The following PLCB4 variants were observed in gnomAD, a reference collection of about 807,000 sequenced individuals.
The protein encoded by PLCB4 is 1-phosphatidylinositol 4,5-bisphosphate phosphodiesterase beta-4.
Under a neutral mutation model 178.8 loss-of-function variants are expected in PLCB4, and 77 were observed. That is an observed-to-expected ratio of 0.43 (90% CI 0.36 to 0.52). PLCB4 has a LOEUF of 0.52. Ranked by LOEUF, PLCB4 falls within the 20% of genes least tolerant of loss-of-function variation. The pLI, the probability that PLCB4 is intolerant of heterozygous loss-of-function variation, is 0.00. For synonymous variants in PLCB4, 496 were observed against 490.8 expected (o/e 1.01, Z -0.14); for missense variants, 1,024 against 1,453.4 (o/e 0.70, Z 4.80).
At chr20:9,390,736 G>A (rs746026265) in intron 17 of PLCB4, 121 bp downstream of exon 17, 48 of 546,360 alleles carry the variant, frequency 8.8e-5, no homozygotes, top group Non-Finnish European at 1.3e-4. Flanking sequence ...AAATTCTTTG[G>A]TACGGAAAGC....
rs567244011 is a variant in PLCB4 at position 9,372,461 on chromosome 20, T to C, written c.686+58T>C. ...ATATTATCACTGTCCTTTTCGATTT[T>C]TTAAAACGTTTTTGTCCTATTTTAA... On this transcript the variant is annotated intron_variant, in intron 11 of 39. Coordinates refer to ENST00000378473, the MANE Select transcript of PLCB4 (RefSeq NM_001377142.1). 3.0e-4 allele frequency: 251 copies of C among 829,242 alleles called. 1 individual carries two copies. In the South Asian group the frequency reaches 3.8e-3, roughly 13 times the overall value. The allele number at this position is 829,242 out of a possible 1,614,324, so 51.4% of individuals were successfully genotyped here.
At chr20:9,320,150 T>G (rs1287653860) in intron 4 of PLCB4, among the ~76,000 whole-genome samples, 1 of 152,162 alleles carries the variant, frequency 6.6e-6, no homozygotes, top group Non-Finnish European at 1.5e-5. Context: ...GGTTAGCTAT[T>G]TTTATGGTTA....
rs566987380 is a variant in PLCB4, at chr20:9,172,233, C to T, written c.-78-45157C>T. On this transcript the variant is annotated intron_variant, in intron 2 of 39. Transcript: ENST00000378473. ...AAGAATTCATCATATAACAAAGGACCACCATTTAATGCCAGTTTTAGTATG... is the reference window on the plus strand; with the variant it reads ...AAGAATTCATCATATAACAAAGGACTACCATTTAATGCCAGTTTTAGTATG... 1.4e-4 allele frequency among the ~76,000 whole-genome samples: 21 copies of T among 152,214 alleles called. No individual in the cohort carries two copies. In the South Asian group the frequency reaches 4.3e-3, roughly 32 times the overall value.
chr20:9,475,874 C>G (rs529943225), intron 38 of PLCB4, among the ~76,000 whole-genome samples: 90 of 152,280 alleles, frequency 5.9e-4, no homozygotes, highest in South Asian at 1.9e-3. Flanking sequence ...GCCTTCATAA[C>G]CAGGTAAACA....
intron 4 of PLCB4, among the ~76,000 whole-genome samples, chr20:9,326,553 C>A (rs1032655424): frequency 2.6e-5 from 4 of 152,158 alleles, no homozygotes; most frequent in African/African-American, 9.7e-5. Context: ...TAACTCACTT[C>A]ATTGCCCTCT....
At chr20:9,149,779 C>T (rs73895594) in intron 2 of PLCB4, among the ~76,000 whole-genome samples, 17,497 of 152,120 alleles carry the variant, frequency 0.12, 1,647 homozygotes, top group African/African-American at 0.25. Context: ...TATGAGTTTC[C>T]TGGGAAACAA....
intron 2 of PLCB4, among the ~76,000 whole-genome samples, chr20:9,150,108 A>C (rs2092667025): frequency 6.6e-6 from 1 of 152,208 alleles, no homozygotes; most frequent in Admixed American, 6.5e-5. Context: ...GTCCTGAAGC[A>C]GTGTCTGGGC....
intron 3 of PLCB4, among the ~76,000 whole-genome samples, chr20:9,242,307 A>G (rs1232226586): frequency 6.6e-6 from 1 of 152,210 alleles, no homozygotes; most frequent in Non-Finnish European, 1.5e-5. Context: ...AAGTTCAGAG[A>G]ATAAAACAGA....
At chr20:9,364,836 A>G (rs1359797911) in intron 8 of PLCB4, among the ~76,000 whole-genome samples, 1 of 152,216 alleles carries the variant, frequency 6.6e-6, no homozygotes, top group East Asian at 1.9e-4. Flanking sequence ...TGAGTCTCCT[A>G]AAAGCCTGGG....
chr20:9,431,648 GTT>G (rs1491288741), intron 28 of PLCB4, among the ~76,000 whole-genome samples: 4 of 122,582 alleles, frequency 3.3e-5, no homozygotes, highest in Admixed American at 8.9e-5. Flanking sequence ...GTGTGTGTGT[GTT>G]TGTGTGTGTG....
At chr20:9,297,157 A>ACC (rs140669435) in intron 3 of PLCB4, among the ~76,000 whole-genome samples, 241 of 149,696 alleles carry the variant, frequency 1.6e-3, no homozygotes, top group African/African-American at 5.4e-3. Context: ...TATAGCCCGC[A>ACC]CCCCCCCCCA....
At chr20:9,136,547 A>G (rs958767467) in intron 2 of PLCB4, among the ~76,000 whole-genome samples, 3 of 152,052 alleles carry the variant, frequency 2.0e-5, no homozygotes, top group Admixed American at 6.6e-5. Flanking sequence ...TGAAAAGTCT[A>G]CAAAAGAGGG....
intron 9 of PLCB4, among the ~76,000 whole-genome samples, chr20:9,366,840 T>C (rs1409960862): frequency 6.6e-6 from 1 of 152,234 alleles, no homozygotes; most frequent in Non-Finnish European, 1.5e-5. Context: ...TCATGTTCAC[T>C]TCTCTGGACA....
At position 9,219,935 on chromosome 20, in the gene PLCB4, A is replaced by C. The variant is rs550395956; in HGVS notation, c.-16+2483A>C. Among the ~76,000 whole-genome samples the C allele has an allele frequency of 3.3e-5, 5 of 152,306 alleles. No individual in the cohort carries two copies. In the East Asian group the frequency reaches 9.6e-4, roughly 29 times the overall value. Reference sequence around the variant, plus strand: ...AGGCCTATTTATATGCAGAGTAGGCATTCAGAATATGTTCTTATTTCTATA... The same window carrying C: ...AGGCCTATTTATATGCAGAGTAGGCCTTCAGAATATGTTCTTATTTCTATA... On this transcript the variant is annotated intron_variant, in intron 3 of 39. Transcript: ENST00000378473.
chr20:9,375,152 A>G (rs1423807130), intron 12 of PLCB4, among the ~76,000 whole-genome samples: 1 of 152,160 alleles, frequency 6.6e-6, no homozygotes, highest in African/African-American at 2.4e-5. Flanking sequence ...ACTAGACAAA[A>G]ACATGAATGT....
chr20:9,280,561 A>G (rs1374998154), intron 3 of PLCB4: 1 of 564,088 alleles, frequency 1.8e-6, no homozygotes, highest in Non-Finnish European at 2.2e-6. Context: ...CTTAGGAAGA[A>G]AAATGGCAAG....
chr20:9,473,274 TGCA>T lies in PLCB4; in HGVS notation c.3409-2_3409del. 2 of 1,353,912 alleles carry T rather than the reference TGCA, an allele frequency of 1.5e-6. No homozygotes were observed. The highest frequency in any genetic ancestry group is 1.6e-5 in the South Asian group (1 of 63,642). 83.9% of individuals were successfully genotyped at this position (1,353,912 alleles called of 1,614,324 possible). The stretch of plus-strand genomic sequence containing the variant: ...TCAGAATTTTTTTTTTTTTTTTTTT[TGCA>T]GCTTGCCATGAAGCAGTCCAAAGAA... On this transcript the variant is annotated splice_acceptor_variant and splice_polypyrimidine_tract_variant and intron_variant, in intron 37 of 39. Coordinates refer to ENST00000378473, the MANE Select transcript of PLCB4 (RefSeq NM_001377142.1). LOFTEE classifies it high-confidence loss of function.
chr20:9,368,645 T>G (rs1428399939), intron 9 of PLCB4, among the ~76,000 whole-genome samples: 1 of 137,546 alleles, frequency 7.3e-6, no homozygotes, highest in African/African-American at 2.5e-5. Flanking sequence ...TGCCCCATCC[T>G]TCACTCAAGA....
chr20:9,374,723 G>A (rs191199008), intron 12 of PLCB4, among the ~76,000 whole-genome samples: 2 of 152,230 alleles, frequency 1.3e-5, no homozygotes, highest in Admixed American at 1.3e-4. Context: ...AGTATTTATA[G>A]GCTCTTATCT....
Sources: allele counts gnomAD v4.1 joint callset (sites outside exome capture counted in the v4.1 genomes callset), GRCh38; gene constraint gnomAD v4.1.1; transcripts MANE v1.5; gene names NCBI Gene and HGNC (gene_info 2026-07-23, HGNC 2026-07-21).